CSPP1: variants seen among roughly 807,000 people sequenced by gnomAD.
CSPP1 encodes centrosome and spindle pole associated protein 1, also known as centrosome and spindle pole-associated protein 1.
A neutral mutation model predicts 164.4 loss-of-function variants in CSPP1; 126 were observed. That is an observed-to-expected ratio of 0.77 (90% CI 0.66 to 0.89). The LOEUF is 0.89. Ranked by LOEUF, CSPP1 falls within the 40% of genes least tolerant of loss-of-function variation. CSPP1 has a pLI of 0.00. For synonymous variants in CSPP1, 472 were observed against 476.7 expected, an observed-to-expected ratio of 0.99 and a Z score of 0.13; for missense variants, 1,395 against 1,449.8, an observed-to-expected ratio of 0.96 and a Z score of 0.61.
intron 18 of CSPP1, among the ~76,000 whole-genome samples, chr8:67,151,882 G>A (rs773203781): frequency 1.3e-5 from 2 of 151,958 alleles, no homozygotes; most frequent in African/African-American, 2.4e-5. Flanking sequence ...GAGGCCAGGA[G>A]ATCGAGACCA....
chr8:67,101,217 G>A (rs1814041911), intron 7 of CSPP1, among the ~76,000 whole-genome samples: 1 of 152,174 alleles, frequency 6.6e-6, no homozygotes, highest in Non-Finnish European at 1.5e-5. Context: ...CCTGTACCTG[G>A]CATGTACCAA....
At chr8:67,168,167 C>T (rs1586683353) in intron 24 of CSPP1, among the ~76,000 whole-genome samples, 2 of 152,136 alleles carry the variant, frequency 1.3e-5, no homozygotes, top group South Asian at 2.1e-4. Context: ...CGTGGTGGCG[C>T]GCGCCTATAA....
At chr8:67,194,375 ACTAT>A (rs1266985805) in intron 30 of CSPP1, among the ~76,000 whole-genome samples, 1 of 152,206 alleles carries the variant, frequency 6.6e-6, no homozygotes, top group Non-Finnish European at 1.5e-5. Flanking sequence ...GTACTCATAT[ACTAT>A]CTATCTAGCA....
At chr8:67,074,421 C>T (rs530440235) in intron 2 of CSPP1, 70 bp downstream of exon 2, 270 of 863,196 alleles carry the variant, frequency 3.1e-4, no homozygotes, top group Non-Finnish European at 2.6e-4. Flanking sequence ...TGTGTAAATA[C>T]AAAACATCCT....
At position 67,074,229 on chromosome 8, in the gene CSPP1, A is replaced by ATT; in HGVS notation, c.-10-6_-10-5dup. The ATT allele has an allele frequency of 6.5e-7, 1 of 1,528,088 alleles. No individual in the cohort carries two copies. The highest frequency in any genetic ancestry group is 9.0e-7 in the Non-Finnish European group (1 of 1,108,380). The allele number at this position is 1,528,088 out of a possible 1,614,324, so 94.7% of individuals were successfully genotyped here. Reference sequence around the variant, plus strand: ...CTGTGATATAGATACGCTCACTGAAATTTTTTTTTAAAGAATCTGCAAAAT... The same window carrying ATT: ...CTGTGATATAGATACGCTCACTGAAATTTTTTTTTTTAAAGAATCTGCAAAAT... On this transcript the variant is annotated splice_polypyrimidine_tract_variant and intron_variant, in intron 1 of 30. Transcript: ENST00000678616.
At chr8:67,136,588 A>C (rs1257833854) in intron 16 of CSPP1, among the ~76,000 whole-genome samples, 2 of 151,810 alleles carry the variant, frequency 1.3e-5, no homozygotes, top group South Asian at 4.2e-4. Context: ...AAAAAAAAAA[A>C]AAAAAAATGC....
intron 28 of CSPP1, among the ~76,000 whole-genome samples, chr8:67,187,834 A>G (rs1351428937): frequency 6.6e-6 from 1 of 152,246 alleles, no homozygotes; most frequent in African/African-American, 2.4e-5. Context: ...GGACATCTGC[A>G]TGTGAAAAAA....
At chr8:67,184,843 T>C (rs1314668524) in intron 28 of CSPP1, among the ~76,000 whole-genome samples, 3 of 147,992 alleles carry the variant, frequency 2.0e-5, no homozygotes, top group African/African-American at 7.4e-5. Context: ...CTCAAGCCTG[T>C]AATCCCAGCA....
chr8:67,187,334 C>T (rs1003789739), intron 28 of CSPP1, among the ~76,000 whole-genome samples: 8 of 152,156 alleles, frequency 5.3e-5, no homozygotes, highest in African/African-American at 1.7e-4. Flanking sequence ...TTATAATAAA[C>T]AAGACAGTGT....
chr8:67,129,714 G>A (rs1461013185), intron 15 of CSPP1, among the ~76,000 whole-genome samples: 29 of 152,092 alleles, frequency 1.9e-4, no homozygotes, highest in Admixed American at 1.9e-3. Context: ...GATATAATAT[G>A]GATGAACCTT....
intron 22 of CSPP1, 74 bp from the exon 23 acceptor site, chr8:67,163,658 C>CA: frequency 9.0e-7 from 1 of 1,114,468 alleles, no homozygotes; most frequent in Non-Finnish European, 1.3e-6. Context: ...ATAAATACTT[C>CA]AAAAAATTAC....
At chr8:67,165,803 T>C (rs1829200247) in intron 24 of CSPP1, among the ~76,000 whole-genome samples, 1 of 152,338 alleles carries the variant, frequency 6.6e-6, no homozygotes, top group Admixed American at 6.5e-5. Context: ...GATTCTCCAC[T>C]AGAAAGTTAA....
intron 22 of CSPP1, among the ~76,000 whole-genome samples, 180 bp downstream of exon 22, chr8:67,162,095 A>G (rs980463201): frequency 5.3e-5 from 8 of 152,200 alleles, no homozygotes; most frequent in African/African-American, 1.7e-4. Context: ...TTGGTGCCCT[A>G]AAGTTTCTTT....
intron 7 of CSPP1, among the ~76,000 whole-genome samples, chr8:67,097,165 A>G (rs1232507885): frequency 1.3e-5 from 2 of 152,208 alleles, no homozygotes; most frequent in Non-Finnish European, 2.9e-5. Flanking sequence ...ACAAGTGTTA[A>G]TACATTTTGA....
chr8:67,172,650 A>G (rs1315999591), intron 25 of CSPP1, 95 bp downstream of exon 25: 2 of 1,046,718 alleles, frequency 1.9e-6, no homozygotes, highest in East Asian at 2.6e-5. Flanking sequence ...TCTAAAGTGG[A>G]ATTTTATCTA....
chr8:67,184,346 T>C (rs77022296), intron 28 of CSPP1, among the ~76,000 whole-genome samples: 4 of 151,926 alleles, frequency 2.6e-5, no homozygotes, highest in Admixed American at 6.6e-5. Context: ...AGGAAATAAA[T>C]AGAGAAAATC....
At chr8:67,117,670 ACT>A (rs1818204741) in intron 13 of CSPP1, among the ~76,000 whole-genome samples, 6 of 152,196 alleles carry the variant, frequency 3.9e-5, no homozygotes, top group Admixed American at 2.0e-4. Context: ...TTGTACTCAC[ACT>A]GTTTTGTAGC....
chr8:67,076,752 CT>C (rs1375312033), intron 3 of CSPP1, among the ~76,000 whole-genome samples, 171 bp downstream of exon 3: 1 of 152,050 alleles, frequency 6.6e-6, no homozygotes, highest in East Asian at 1.9e-4. Flanking sequence ...ATACTGAAAA[CT>C]TTGTACTTGT....
At chr8:67,081,703 G>A (rs1411498311) in intron 3 of CSPP1, among the ~76,000 whole-genome samples, 1 of 152,012 alleles carries the variant, frequency 6.6e-6, no homozygotes, top group Non-Finnish European at 1.5e-5. Flanking sequence ...AAAATGTTTT[G>A]ATACAAATGT....
Sources: allele counts gnomAD v4.1 joint callset (sites outside exome capture counted in the v4.1 genomes callset), GRCh38; gene constraint gnomAD v4.1.1; transcripts MANE v1.5; gene names NCBI Gene and HGNC (gene_info 2026-07-23, HGNC 2026-07-21).